Variants in TENM2 observed in about 807,000 individuals in gnomAD.
TENM2 encodes the protein teneurin-2.
Under a neutral mutation model 245.2 loss-of-function variants are expected in TENM2, and 52 were observed. The ratio of observed to expected loss-of-function variants is 0.21; its 90% confidence interval spans 0.17 to 0.27. The LOEUF is 0.27. Among genes scored for constraint, TENM2 ranks in the 10% least tolerant of loss-of-function variants. The pLI, the probability that TENM2 is intolerant of heterozygous loss-of-function variation, is 1.00. For synonymous variants in TENM2, 1,363 were observed against 1,438.9 expected (o/e 0.95, Z 1.19); for missense variants, 3,046 against 3,666.8 (o/e 0.83, Z 4.37).
At chr5:168,069,431 A>G (rs1247248565) in intron 7 of TENM2, among the ~76,000 whole-genome samples, 2 of 152,204 alleles carry the variant, frequency 1.3e-5, no homozygotes, top group Non-Finnish European at 2.9e-5. Flanking sequence ...TTCTGAGACA[A>G]CAATATTCAT....
the TENM2 span, among the ~76,000 whole-genome samples, chr5:167,068,231 T>G: frequency 6.6e-6 from 1 of 152,196 alleles, no homozygotes; most frequent in African/African-American, 2.4e-5. Flanking sequence ...AGCTTATATT[T>G]GAATACACCT....
chr5:167,570,082 A>G (rs1214893143), intron 2 of TENM2, among the ~76,000 whole-genome samples: 1 of 152,194 alleles, frequency 6.6e-6, no homozygotes, highest in Non-Finnish European at 1.5e-5. Flanking sequence ...AGGCCGTTCT[A>G]AACAGAACGA....
intron 2 of TENM2, among the ~76,000 whole-genome samples, chr5:167,787,159 G>A (rs933952129): frequency 6.6e-6 from 1 of 152,176 alleles, no homozygotes; most frequent in African/African-American, 2.4e-5. Flanking sequence ...ACACTCAGGA[G>A]ATGGGGGGAC....
chr5:167,883,390 ACG>A (rs933630852), intron 3 of TENM2, among the ~76,000 whole-genome samples: 2 of 152,216 alleles, frequency 1.3e-5, no homozygotes, highest in African/African-American at 4.8e-5. Flanking sequence ...GTGTGTGCAC[ACG>A]CACACACACA....
chr5:167,444,984 T>A (rs1445668767), intron 2 of TENM2, among the ~76,000 whole-genome samples: 2 of 152,106 alleles, frequency 1.3e-5, no homozygotes, highest in African/African-American at 4.8e-5. Flanking sequence ...ATAAGTACAA[T>A]AATGTTACCT....
At chr5:168,124,331 G>A (rs1231361952) in intron 10 of TENM2, among the ~76,000 whole-genome samples, 7 of 152,210 alleles carry the variant, frequency 4.6e-5, no homozygotes, top group Non-Finnish European at 8.8e-5. Flanking sequence ...CATTAGGAAA[G>A]TGACTCATAA....
intron 3 of TENM2, among the ~76,000 whole-genome samples, chr5:167,928,288 T>C (rs823323): frequency 0.35 from 53,243 of 152,002 alleles, 11,930 homozygotes; most frequent in African/African-American, 0.65. Context: ...AATTATATTC[T>C]CAAGGCCCTC....
At chr5:167,657,228 C>T (rs751003091) in intron 2 of TENM2, among the ~76,000 whole-genome samples, 11 of 152,120 alleles carry the variant, frequency 7.2e-5, no homozygotes, top group Non-Finnish European at 1.0e-4. Context: ...ACATGGAATG[C>T]GACGTTTAAC....
intron 2 of TENM2, among the ~76,000 whole-genome samples, chr5:167,872,490 A>AAG (rs779696929): frequency 4.2e-4 from 15 of 36,112 alleles, no homozygotes; most frequent in Non-Finnish European, 7.2e-4. Flanking sequence ...AAGAAAAAGA[A>AAG]AGAAAGAAAG....
intron 2 of TENM2, among the ~76,000 whole-genome samples, chr5:167,627,562 C>CTTT (rs34785510): frequency 2.1e-5 from 3 of 145,298 alleles, no homozygotes; most frequent in South Asian, 2.2e-4. Flanking sequence ...GACTCTACTT[C>CTTT]TTTTTTTTTT....
At chr5:167,940,488 C>A (rs1385528946) in intron 3 of TENM2, among the ~76,000 whole-genome samples, 1 of 152,070 alleles carries the variant, frequency 6.6e-6, no homozygotes, top group Non-Finnish European at 1.5e-5. Flanking sequence ...GATGCTGTCT[C>A]GGAAGGCAGG....
intron 2 of TENM2, among the ~76,000 whole-genome samples, chr5:167,547,401 C>T (rs1022780290): frequency 1.3e-5 from 2 of 152,288 alleles, no homozygotes; most frequent in African/African-American, 2.4e-5. Context: ...CAGGTATTTG[C>T]TCTGCAGGAT....
chr5:167,818,482 A>G (rs1254491732), intron 2 of TENM2, among the ~76,000 whole-genome samples: 2 of 152,164 alleles, frequency 1.3e-5, no homozygotes, highest in African/African-American at 4.8e-5. Flanking sequence ...AGTACTTTAC[A>G]TTTCTTACTG....
At chr5:167,838,697 C>A (rs1375549543) in intron 2 of TENM2, among the ~76,000 whole-genome samples, 1 of 152,184 alleles carries the variant, frequency 6.6e-6, no homozygotes, top group African/African-American at 2.4e-5. Context: ...ACTTTGCATA[C>A]TTTGATCAAG....
rs1200071315 is a variant in TENM2, at chr5:167,442,056, CT to C, written c.502+66588del. 2.0e-5 allele frequency among the ~76,000 whole-genome samples: 3 copies of C among 152,278 alleles called. No homozygotes were observed. In the East Asian group the frequency reaches 5.8e-4, roughly 29 times the overall value. On this transcript the variant is annotated intron_variant, in intron 2 of 28. Transcript: ENST00000518659. ...AAGAAAAGAAAAGAAATGCATTCTTCTTTTTAAAATTAGGATGTTGTTGAAC... is the reference window on the plus strand; with the variant it reads ...AAGAAAAGAAAAGAAATGCATTCTTCTTTTAAAATTAGGATGTTGTTGAAC...
chr5:167,720,052 G>T lies in TENM2; in HGVS notation c.503-155934G>T, dbSNP rs73386431. ...ATCCAATAAACTGAGGAAGCTCTGT[G>T]TCTAATAAACAGATTTCTTTATTAT... On this transcript the variant is annotated intron_variant, in intron 2 of 28. Transcript: ENST00000518659. Among the ~76,000 whole-genome samples the T allele has an allele frequency of 3.9e-3, 587 of 152,228 alleles. 4 individuals carry two copies. The highest frequency in any genetic ancestry group is 0.013 in the African/African-American group (558 of 41,532).
intron 4 of TENM2, among the ~76,000 whole-genome samples, chr5:167,971,455 C>T (rs1781777787): frequency 6.6e-6 from 1 of 152,114 alleles, no homozygotes; most frequent in Non-Finnish European, 1.5e-5. Context: ...AATCCCAGAA[C>T]TTTGGGAGGC....
the TENM2 span, among the ~76,000 whole-genome samples, chr5:167,108,146 G>T: frequency 2.0e-5 from 3 of 151,946 alleles, no homozygotes; most frequent in Admixed American, 2.0e-4. Context: ...GTTTTATTGA[G>T]ACAGAGTCTC....
intron 2 of TENM2, among the ~76,000 whole-genome samples, chr5:167,445,048 A>G (rs1434955427): frequency 1.3e-5 from 2 of 152,050 alleles, no homozygotes; most frequent in African/African-American, 4.8e-5. Context: ...AGCACTTAGA[A>G]AAGCCTGGTA....
Sources: allele counts gnomAD v4.1 joint callset (sites outside exome capture counted in the v4.1 genomes callset), GRCh38; gene constraint gnomAD v4.1.1; transcripts MANE v1.5; gene names NCBI Gene and HGNC (gene_info 2026-07-23, HGNC 2026-07-21).